TMEM132B: variants seen among roughly 807,000 people sequenced by gnomAD.
TMEM132B encodes transmembrane protein 132B.
In TMEM132B, 18 loss-of-function variants were observed where a neutral mutation model predicts 90.8. The observed-to-expected ratio is 0.20, with a 90% CI of 0.14 to 0.29. The LOEUF is 0.29. TMEM132B is among the 10% of genes least tolerant of loss of function. TMEM132B has a pLI of 1.00. For missense variants in TMEM132B, 1,096 were observed against 1,326.8 expected, an observed-to-expected ratio of 0.83 and a Z score of 2.70; for synonymous variants, 504 against 523.3, an observed-to-expected ratio of 0.96 and a Z score of 0.50.
chr12:125,338,894 A>G (rs917488114), intron 1 of TMEM132B, among the ~76,000 whole-genome samples: 1 of 152,230 alleles, frequency 6.6e-6, no homozygotes, highest in African/African-American at 2.4e-5. Context: ...TCTGCTACTT[A>G]AAAGTAAATT....
chr12:125,383,941 A>ATTTC (rs1291236793), intron 2 of TMEM132B, among the ~76,000 whole-genome samples: 8 of 151,990 alleles, frequency 5.3e-5, no homozygotes, highest in East Asian at 1.9e-4. Flanking sequence ...AACTCTCTGT[A>ATTTC]TTTCTTTCTT....
intron 1 of TMEM132B, among the ~76,000 whole-genome samples, chr12:125,305,020 A>C (rs1161565128): frequency 1.3e-5 from 2 of 151,984 alleles, no homozygotes; most frequent in East Asian, 3.9e-4. Context: ...TTGCTGTTTC[A>C]GGATATTAGA....
At chr12:125,391,293 G>A (rs1431816850) in intron 2 of TMEM132B, among the ~76,000 whole-genome samples, 5 of 152,174 alleles carry the variant, frequency 3.3e-5, no homozygotes, top group Non-Finnish European at 1.5e-5. Flanking sequence ...ACAAATGGAA[G>A]CTCTTGTTAG....
rs146825581 is a variant in TMEM132B at position 125,577,805 on chromosome 12, A to G, written c.1294-6046A>G. Among the ~76,000 whole-genome samples, 795 of 151,862 alleles carry G rather than the reference A, an allele frequency of 5.2e-3. 6 individuals are homozygous for G. Among genetic ancestry groups the G allele is most frequent in the African/African-American group, 0.018 (755 of 41,458 alleles). ...ATAAGTTTTGGCATGTTGTGTTTTC[A>G]TTTTTACTCATCTCATAGTATTTTC... On this transcript the variant is annotated intron_variant, in intron 4 of 8. Transcript: ENST00000682704.
chr12:125,376,461 C>T (rs543770096), intron 2 of TMEM132B, among the ~76,000 whole-genome samples: 18 of 152,296 alleles, frequency 1.2e-4, no homozygotes, highest in East Asian at 5.8e-4. Context: ...CAGCAGGTGC[C>T]GCCTTAAGTG....
At chr12:125,264,355 T>C (rs1023385990) in intron 1 of TMEM132B, among the ~76,000 whole-genome samples, 11 of 152,194 alleles carry the variant, frequency 7.2e-5, no homozygotes, top group African/African-American at 2.4e-4. Context: ...AAGTAACATA[T>C]TCACAGGTTC....
intron 1 of TMEM132B, among the ~76,000 whole-genome samples, chr12:125,188,553 C>T (rs1957773994): frequency 6.8e-6 from 1 of 147,294 alleles, no homozygotes; most frequent in Admixed American, 6.8e-5. Context: ...CACCCCCGTC[C>T]CCCGCCCTCT....
At chr12:125,553,111 G>A (rs1884277470) in intron 4 of TMEM132B, among the ~76,000 whole-genome samples, 1 of 152,166 alleles carries the variant, frequency 6.6e-6, no homozygotes, top group African/African-American at 2.4e-5. Flanking sequence ...TACCCAAATT[G>A]GTATATTATG....
At chr12:125,420,227 T>G (rs1050757450) in intron 3 of TMEM132B, among the ~76,000 whole-genome samples, 1 of 152,238 alleles carries the variant, frequency 6.6e-6, no homozygotes, top group East Asian at 1.9e-4. Context: ...ATCCCACATT[T>G]CCCTTCTGTA....
At chr12:125,227,268 C>G (rs1254998143) in intron 1 of TMEM132B, among the ~76,000 whole-genome samples, 1 of 152,182 alleles carries the variant, frequency 6.6e-6, no homozygotes, top group African/African-American at 2.4e-5. Context: ...TTGTTGAGGT[C>G]TTGTGGCAGG....
chr12:125,464,161 A>G (rs553915147), intron 3 of TMEM132B, among the ~76,000 whole-genome samples: 7 of 152,300 alleles, frequency 4.6e-5, no homozygotes, highest in African/African-American at 1.7e-4. Flanking sequence ...CCTAAAACTA[A>G]TGGTAAATAA....
At chr12:125,265,476 C>T (rs143437926) in intron 1 of TMEM132B, among the ~76,000 whole-genome samples, 53 of 152,292 alleles carry the variant, frequency 3.5e-4, no homozygotes, top group African/African-American at 1.2e-3. Flanking sequence ...TTGCCGTACT[C>T]ATCGATTTTT....
chr12:125,393,911 C>T (rs1024625403), intron 2 of TMEM132B, among the ~76,000 whole-genome samples: 2 of 152,208 alleles, frequency 1.3e-5, no homozygotes, highest in African/African-American at 4.8e-5. Flanking sequence ...TACTGTCTCT[C>T]CTATTGGTTG....
At chr12:125,645,616 T>C (rs1269522127) in intron 6 of TMEM132B, among the ~76,000 whole-genome samples, 3 of 152,202 alleles carry the variant, frequency 2.0e-5, no homozygotes, top group African/African-American at 7.2e-5. Context: ...GTCAACAACC[T>C]GGCTGATCTT....
At chr12:125,368,002 T>G (rs1346136424) in intron 2 of TMEM132B, among the ~76,000 whole-genome samples, 6 of 152,186 alleles carry the variant, frequency 3.9e-5, no homozygotes, top group African/African-American at 1.4e-4. Flanking sequence ...GCTATATCTC[T>G]TTGCATGTTT....
intron 1 of TMEM132B, among the ~76,000 whole-genome samples, chr12:125,205,789 C>T (rs1486876694): frequency 3.3e-5 from 5 of 152,240 alleles, no homozygotes; most frequent in Non-Finnish European, 5.9e-5. Flanking sequence ...CCACGTCCGT[C>T]GCATTTTACT....
intron 1 of TMEM132B, among the ~76,000 whole-genome samples, chr12:125,291,419 C>T (rs974706263): frequency 6.6e-6 from 1 of 152,138 alleles, no homozygotes; most frequent in Non-Finnish European, 1.5e-5. Context: ...AGTCTGTTGG[C>T]CAGAGACTGA....
chr12:125,497,058 T>G (rs1592956274), intron 3 of TMEM132B, among the ~76,000 whole-genome samples: 1 of 152,174 alleles, frequency 6.6e-6, no homozygotes. Flanking sequence ...TAAAGGATGG[T>G]TACCTTTATT....
intron 1 of TMEM132B, among the ~76,000 whole-genome samples, chr12:125,308,278 A>G (rs1344146829): frequency 6.6e-6 from 1 of 151,966 alleles, no homozygotes; most frequent in Non-Finnish European, 1.5e-5. Flanking sequence ...TCCCTCAACA[A>G]TGCATCCTGA....
Sources: allele counts gnomAD v4.1 joint callset (sites outside exome capture counted in the v4.1 genomes callset), GRCh38; gene constraint gnomAD v4.1.1; transcripts MANE v1.5; gene names NCBI Gene and HGNC (gene_info 2026-07-23, HGNC 2026-07-21).